The following DMD variants were observed in gnomAD, a reference collection of about 807,000 sequenced individuals.
The protein encoded by DMD is mutant dystrophin.
In DMD, 63 loss-of-function variants were observed where a neutral mutation model predicts 330.1. The ratio of observed to expected loss-of-function variants is 0.19; its 90% CI spans 0.16 to 0.24. The LOEUF is 0.24. Among genes scored for constraint, DMD ranks in the 10% least tolerant of loss-of-function variants. The pLI, the probability that DMD is intolerant of heterozygous loss-of-function variation, is 1.00. For synonymous variants in DMD, 1,223 were observed against 959.8 expected, an observed-to-expected ratio of 1.27 and a Z score of -5.07; for missense variants, 3,344 against 2,684.1, an observed-to-expected ratio of 1.25 and a Z score of -5.43.
intron 61 of DMD, among the ~76,000 whole-genome samples, chrX:31,346,770 G>A (rs766420312): frequency 9.1e-4 from 99 of 109,227 alleles, no homozygotes; most frequent in Admixed American, 1.4e-3. Context: ...AGGCCAAGGC[G>A]AGTGGATCAC....
At chrX:31,916,369 G>T (rs1279050054) in intron 47 of DMD, among the ~76,000 whole-genome samples, 2 of 111,976 alleles carry the variant, frequency 1.8e-5, no homozygotes, top group African/African-American at 3.2e-5. Context: ...GATATATAGG[G>T]GAAAGCCAGA....
intron 11 of DMD, among the ~76,000 whole-genome samples, chrX:32,642,908 G>C (rs1384401310): frequency 9.0e-6 from 1 of 111,143 alleles, no homozygotes; most frequent in Non-Finnish European, 1.9e-5. Context: ...TTCTAATTTT[G>C]TTTGAGGTTG....
intron 1 of DMD, among the ~76,000 whole-genome samples, chrX:33,289,101 G>GT (rs1017482940): frequency 1.8e-5 from 2 of 111,035 alleles, no homozygotes; most frequent in African/African-American, 3.3e-5. Flanking sequence ...ACAAAATATA[G>GT]TTTTTTTAAT....
At chrX:32,120,343 T>C (rs1366150108) in intron 44 of DMD, among the ~76,000 whole-genome samples, 1 of 112,066 alleles carries the variant, frequency 8.9e-6, no homozygotes, top group East Asian at 2.8e-4. Context: ...CCAAAGTTAC[T>C]GGACCAGCAA....
At chrX:32,686,615 G>C (rs1359282060) in intron 9 of DMD, among the ~76,000 whole-genome samples, 1 of 101,066 alleles carries the variant, frequency 9.9e-6, no homozygotes, top group Non-Finnish European at 2.0e-5. Flanking sequence ...ATGTATCTAA[G>C]TTTTCATTTT....
chrX:31,613,293 G>C (rs1268942560), intron 55 of DMD, among the ~76,000 whole-genome samples: 2 of 111,893 alleles, frequency 1.8e-5, no homozygotes, highest in Non-Finnish European at 3.8e-5. Context: ...GCCTTGAGAA[G>C]CTTGCAGCTT....
At chrX:31,430,343 CCTGT>C (rs1459140580) in intron 60 of DMD, among the ~76,000 whole-genome samples, 3 of 111,317 alleles carry the variant, frequency 2.7e-5, no homozygotes, top group Non-Finnish European at 5.6e-5. Flanking sequence ...TCCTTTTGGG[CCTGT>C]CTAACAGGAC....
intron 16 of DMD, among the ~76,000 whole-genome samples, chrX:32,556,220 A>G (rs143725396): frequency 0.027 from 3,005 of 112,317 alleles, 89 homozygotes; most frequent in African/African-American, 0.092. Flanking sequence ...AGAAAACTCA[A>G]CATCATTGAT....
At position 32,472,128 on chromosome X, in the gene DMD, G is replaced by A. The variant is rs200934348; in HGVS notation, c.2949+36C>T. 89 of 1,194,666 alleles carry A rather than the reference G, an allele frequency of 7.4e-5. No homozygotes were observed. The African/African-American group carries it at 8.1e-4, about 11-fold the overall frequency. ...ATATCAATGTGAATGCTTGATAAGCGTGCTTTATTGTTTTGACATTCAAAT... is the reference window on the plus strand; with the variant it reads ...ATATCAATGTGAATGCTTGATAAGCATGCTTTATTGTTTTGACATTCAAAT... On this transcript the variant is annotated intron_variant, in intron 22 of 78. Transcript: ENST00000357033.
intron 44 of DMD, among the ~76,000 whole-genome samples, chrX:32,109,521 A>T (rs2096579703): frequency 9.0e-6 from 1 of 110,917 alleles, no homozygotes; most frequent in Non-Finnish European, 1.9e-5. Flanking sequence ...GTAATATCAT[A>T]CAAAATTCAT....
chrX:33,302,303 CTCTT>C (rs1443090955), intron 1 of DMD, among the ~76,000 whole-genome samples: 12 of 111,483 alleles, frequency 1.1e-4, no homozygotes, highest in African/African-American at 3.3e-4. Flanking sequence ...GTCAAATACA[CTCTT>C]TATGCATATT....
chrX:32,899,688 A>G (rs2086063109), intron 2 of DMD, among the ~76,000 whole-genome samples: 1 of 109,790 alleles, frequency 9.1e-6, no homozygotes, highest in Admixed American at 9.8e-5. Flanking sequence ...AAAAAAAAAA[A>G]AGAAAGAAAA....
At chrX:31,742,640 C>A (rs1349501019) in intron 51 of DMD, among the ~76,000 whole-genome samples, 1 of 111,604 alleles carries the variant, frequency 9.0e-6, no homozygotes, top group Non-Finnish European at 1.9e-5. Context: ...GCTGGTTAGC[C>A]ATATGCAGAA....
chrX:31,595,355 G>A (rs890326545), intron 55 of DMD, among the ~76,000 whole-genome samples: 7 of 110,849 alleles, frequency 6.3e-5, no homozygotes, highest in African/African-American at 2.3e-4. Flanking sequence ...GTGTGGGGGA[G>A]CTGGAGAGAG....
At chrX:31,138,906 A>G (rs1453225373) in intron 76 of DMD, among the ~76,000 whole-genome samples, 1 of 111,599 alleles carries the variant, frequency 9.0e-6, no homozygotes, top group Non-Finnish European at 1.9e-5. Flanking sequence ...GACTCTAACA[A>G]TAATACCTGT....
At chrX:32,593,349 T>C (rs1166699968) in intron 13 of DMD, among the ~76,000 whole-genome samples, 3 of 112,861 alleles carry the variant, frequency 2.7e-5, no homozygotes, top group Non-Finnish European at 3.7e-5. Context: ...CAAAAGCTTA[T>C]TTTTTGCCTT....
At chrX:32,420,667 T>A (rs2098185996) in intron 29 of DMD, among the ~76,000 whole-genome samples, 1 of 111,767 alleles carries the variant, frequency 8.9e-6, no homozygotes, top group Non-Finnish European at 1.9e-5. Flanking sequence ...GTCCCTCTAC[T>A]TAGGAATTCA....
At chrX:33,112,356 T>C (rs991243665) in intron 1 of DMD, among the ~76,000 whole-genome samples, 5 of 111,544 alleles carry the variant, frequency 4.5e-5, no homozygotes, top group Non-Finnish European at 7.5e-5. Flanking sequence ...AGAACACGTA[T>C]CCCTACAGAT....
chrX:32,360,630 T>C (rs2147204255), intron 37 of DMD, among the ~76,000 whole-genome samples: 1 of 108,620 alleles, frequency 9.2e-6, no homozygotes, highest in Non-Finnish European at 1.9e-5. Flanking sequence ...TCTGCCAAAA[T>C]ACAAAAATTA....
Sources: gnomAD v4.1 joint callset for allele counts (sites outside exome capture counted in the v4.1 genomes callset) on GRCh38, gnomAD v4.1.1 for gene constraint, MANE v1.5 for transcripts, NCBI Gene and HGNC (gene_info 2026-07-23, HGNC 2026-07-21) for gene names.